The following TTC3 variants were observed in gnomAD, a reference collection of about 807,000 sequenced individuals.
TTC3 encodes the protein E3 ubiquitin-protein ligase TTC3.
Under a neutral mutation model 249.6 loss-of-function variants are expected in TTC3, and 180 were observed. The ratio of observed to expected loss-of-function variants is 0.72; its 90% CI spans 0.64 to 0.82. TTC3 has a LOEUF of 0.82. TTC3 is among the 40% of genes least tolerant of loss of function. The pLI, the probability that TTC3 is intolerant of heterozygous loss-of-function variation, is 0.00. For missense variants in TTC3, 2,061 were observed against 2,398.4 expected, an observed-to-expected ratio of 0.86 and a Z score of 2.94; for synonymous variants, 717 against 805.0, an observed-to-expected ratio of 0.89 and a Z score of 1.85.
intron 21 of TTC3, 47 bp from the exon 22 acceptor site, chr21:37,147,433 TG>T: frequency 6.7e-7 from 1 of 1,495,986 alleles, no homozygotes. Context: ...GCATTTTTAT[TG>T]ACAGATTAGT....
chr21:37,130,903 G>A (rs1285610683), intron 16 of TTC3, among the ~76,000 whole-genome samples: 2 of 152,148 alleles, frequency 1.3e-5, no homozygotes, highest in Non-Finnish European at 2.9e-5. Flanking sequence ...TGTAAATAAT[G>A]TATAGAAGTT....
At chr21:37,091,802 C>T (rs781705517) in intron 7 of TTC3, among the ~76,000 whole-genome samples, 25 of 152,132 alleles carry the variant, frequency 1.6e-4, no homozygotes, top group Non-Finnish European at 3.2e-4. Flanking sequence ...AGGTTGATCT[C>T]GATCTCCTGA....
rs374050234 is a variant in TTC3 at position 37,198,711 on chromosome 21, C to T, written c.5850+686C>T. Among the ~76,000 whole-genome samples, 134 of 152,204 alleles carry T rather than the reference C, an allele frequency of 8.8e-4. 2 individuals are homozygous for T. The South Asian group carries it at 0.024, about 28-fold the overall frequency. On this transcript the variant is annotated intron_variant, in intron 44 of 45. Coordinates refer to ENST00000355666, the Ensembl canonical transcript of TTC3. ...CAAATAAAAAGGGCATTTAAAAACC[C>T]GCCCTGTAATCAGTATTACCACTTT... is the stretch of plus-strand genomic sequence containing the variant.
At position 37,148,536 on chromosome 21, in the gene TTC3, G is replaced by A. The variant is rs370325621; in HGVS notation, c.2017-10G>A. The A allele has an allele frequency of 1.2e-5, 19 of 1,532,234 alleles. No homozygotes were observed. Among genetic ancestry groups the A allele is most frequent in the Non-Finnish European group, 1.7e-5 (19 of 1,145,104 alleles). The allele number at this position is 1,532,234 out of a possible 1,614,324, so 94.9% of individuals were successfully genotyped here. A position where few individuals can be genotyped will look rare whatever the true frequency, so the allele number is the denominator to read the frequency against. ...TAAAACGTTAATTAAAAAATTTTTT[G>A]TAACCCTAGGGTTTTATACGCATCA... On this transcript the variant is annotated splice_polypyrimidine_tract_variant and intron_variant, in intron 22 of 45. Coordinates refer to ENST00000355666, the Ensembl canonical transcript of TTC3.
At chr21:37,073,376 C>A in intron 1 of TTC3, 3 of 981,426 alleles carry the variant, frequency 3.1e-6, no homozygotes, top group Non-Finnish European at 3.6e-6. Context: ...TGAGTGCACA[C>A]CCGGCGCGCT....
rs531728392 is a variant in TTC3 at position 37,201,402 on chromosome 21, C to A, written c.5944-38C>A. 8 of 1,612,308 alleles carry A rather than the reference C, an allele frequency of 5.0e-6. No homozygotes were observed. The South Asian group carries it at 7.7e-5, about 16-fold the overall frequency. Reference sequence around the variant, plus strand: ...CAGGGGAGCTAAGCTTCCTCATGGTCCTGAAGGCATCTTCTGATTTTGTTT... The same window carrying A: ...CAGGGGAGCTAAGCTTCCTCATGGTACTGAAGGCATCTTCTGATTTTGTTT... On this transcript the variant is annotated intron_variant, in intron 45 of 45. Transcript: ENST00000355666.
At chr21:37,154,537 A>T (rs2079807173) in intron 27 of TTC3, among the ~76,000 whole-genome samples, 1 of 152,180 alleles carries the variant, frequency 6.6e-6, no homozygotes, top group South Asian at 2.1e-4. Flanking sequence ...ATGCTTTAGG[A>T]GATACTCAGG....
intron 45 of TTC3, 86 bp downstream of exon 45, chr21:37,200,410 T>A: frequency 7.1e-7 from 1 of 1,401,436 alleles, no homozygotes; most frequent in Admixed American, 2.0e-5. Flanking sequence ...TTTCTAGTCA[T>A]CAGTATTTAT....
At chr21:37,181,418 A>G (rs1010748565) in intron 35 of TTC3, among the ~76,000 whole-genome samples, 2 of 152,252 alleles carry the variant, frequency 1.3e-5, no homozygotes, top group Non-Finnish European at 2.9e-5. Flanking sequence ...GCAGCAAGGC[A>G]TACAAATTCA....
chr21:37,156,796 C>A (rs759464961), exon 28 of TTC3: 1 of 1,614,098 alleles, frequency 6.2e-7, no homozygotes, highest in South Asian at 1.1e-5. Context: ...GATTATTTCT[C>A]TGAGCCAGCA....
At chr21:37,146,958 C>T (rs1220891995) in intron 21 of TTC3, among the ~76,000 whole-genome samples, 1 of 152,134 alleles carries the variant, frequency 6.6e-6, no homozygotes. Flanking sequence ...AAAAAGCCAG[C>T]ACTGGAAGCA....
chr21:37,125,970 G>C (rs1403620227), intron 14 of TTC3, 110 bp from the exon 15 acceptor site: 1 of 967,430 alleles, frequency 1.0e-6, no homozygotes, highest in African/African-American at 1.7e-5. Flanking sequence ...TATTTTAGCT[G>C]CTAGGGTGAA....
chr21:37,157,873 T>G (rs2080264572), intron 28 of TTC3, among the ~76,000 whole-genome samples: 1 of 152,222 alleles, frequency 6.6e-6, no homozygotes, highest in African/African-American at 2.4e-5. Flanking sequence ...GATAATTTCT[T>G]ACCTTTCATA....
chr21:37,149,565 C>T (rs1237489441), intron 23 of TTC3, among the ~76,000 whole-genome samples: 1 of 152,090 alleles, frequency 6.6e-6, no homozygotes, highest in Non-Finnish European at 1.5e-5. Context: ...GTCAGCTTTC[C>T]CTAGGATATG....
At chr21:37,093,970 G>A (rs201194495) in intron 7 of TTC3, 35 bp from the exon 8 acceptor site, 498 of 1,375,314 alleles carry the variant, frequency 3.6e-4, no homozygotes, top group Non-Finnish European at 3.8e-4. Context: ...TTAAACAAAT[G>A]TTCTCTCTTG....
intron 1 of TTC3, among the ~76,000 whole-genome samples, chr21:37,077,529 T>G (rs1040632857): frequency 6.6e-6 from 1 of 152,220 alleles, no homozygotes; most frequent in Non-Finnish European, 1.5e-5. Context: ...TGGCCAGCAG[T>G]TTTGTCTGTT....
chr21:37,134,425 G>A (rs970334852), intron 17 of TTC3, among the ~76,000 whole-genome samples: 16 of 151,742 alleles, frequency 1.1e-4, no homozygotes, highest in African/African-American at 3.9e-4. Flanking sequence ...CTCCAGCCTG[G>A]ACGACAGAGC....
chr21:37,118,889 G>T (rs990807602), intron 11 of TTC3, among the ~76,000 whole-genome samples: 1 of 152,038 alleles, frequency 6.6e-6, no homozygotes, highest in Non-Finnish European at 1.5e-5. Context: ...ATCTCTAGAG[G>T]TTAAATTTGG....
In TTC3 at chr21:37,148,529, A is replaced by T. The variant is rs1250233985; in HGVS notation, c.2017-17A>T. ...ACATCTTTAAAACGTTAATTAAAAA[A>T]TTTTTTGTAACCCTAGGGTTTTATA... On this transcript the variant is annotated splice_polypyrimidine_tract_variant and intron_variant, in intron 22 of 45. Transcript: ENST00000355666. The T allele has an allele frequency of 2.0e-6, 3 of 1,514,512 alleles. No homozygotes were observed. The highest frequency in any genetic ancestry group is 1.8e-6 in the Non-Finnish European group (2 of 1,129,338). 93.8% of individuals were successfully genotyped at this position (1,514,512 alleles called of 1,614,324 possible).
Sources: allele counts gnomAD v4.1 joint callset (sites outside exome capture counted in the v4.1 genomes callset), GRCh38; gene constraint gnomAD v4.1.1; transcripts MANE v1.5; gene names NCBI Gene and HGNC (gene_info 2026-07-23, HGNC 2026-07-21).